NCAM1: variants seen among roughly 807,000 people sequenced by gnomAD.
NCAM1 encodes the protein neural cell adhesion molecule 1.
Under a neutral mutation model 109.8 loss-of-function variants are expected in NCAM1, and 14 were observed. That is an observed-to-expected ratio of 0.13 (90% CI 0.08 to 0.20). The LOEUF (loss-of-function observed/expected upper bound fraction) is 0.20. NCAM1 is among the 10% of genes least tolerant of loss of function. The pLI, the probability that NCAM1 is intolerant of heterozygous loss-of-function variation, is 1.00. For missense variants in NCAM1, 774 were observed against 1,109.9 expected, an observed-to-expected ratio of 0.70 and a Z score of 4.30; for synonymous variants, 418 against 442.9, an observed-to-expected ratio of 0.94 and a Z score of 0.70.
At chr11:113,082,213 A>C (rs1555087355) in intron 1 of NCAM1, among the ~76,000 whole-genome samples, 1 of 152,192 alleles carries the variant, frequency 6.6e-6, no homozygotes, top group Admixed American at 6.5e-5. Flanking sequence ...AACTGAGAAA[A>C]AGTTGTTGGA....
At chr11:113,119,351 G>A (rs1409302087) in intron 1 of NCAM1, among the ~76,000 whole-genome samples, 2 of 152,194 alleles carry the variant, frequency 1.3e-5, no homozygotes, top group Non-Finnish European at 2.9e-5. Flanking sequence ...AATAAAGCCA[G>A]AAGTCAGACT....
intron 15 of NCAM1, among the ~76,000 whole-genome samples, chr11:113,250,130 T>C (rs1945628753): frequency 1.3e-5 from 2 of 152,170 alleles, no homozygotes; most frequent in Admixed American, 6.5e-5. Context: ...AACAAAACTT[T>C]ACCCCAAAAG....
intron 1 of NCAM1, among the ~76,000 whole-genome samples, chr11:113,029,101 A>G (rs1227424719): frequency 6.6e-6 from 1 of 152,220 alleles, no homozygotes; most frequent in Non-Finnish European, 1.5e-5. Flanking sequence ...ACAGAATAAA[A>G]CTTGGGCAGT....
At chr11:113,251,843 T>C (rs1303984166) in intron 15 of NCAM1, among the ~76,000 whole-genome samples, 2 of 152,230 alleles carry the variant, frequency 1.3e-5, no homozygotes, top group African/African-American at 4.8e-5. Context: ...TTTCTTCTGC[T>C]AATGTGCTCG....
intron 9 of NCAM1, among the ~76,000 whole-genome samples, chr11:113,230,286 C>A (rs551896975): frequency 1.3e-5 from 2 of 152,258 alleles, no homozygotes; most frequent in Admixed American, 1.3e-4. Flanking sequence ...ATTTATAGGT[C>A]AAAGCAGAGG....
intron 1 of NCAM1, among the ~76,000 whole-genome samples, chr11:113,199,239 T>G (rs1185450411): frequency 6.6e-6 from 1 of 152,144 alleles, no homozygotes. Flanking sequence ...AAATTCCACT[T>G]ACATATGCAA....
intron 1 of NCAM1, among the ~76,000 whole-genome samples, chr11:113,059,123 T>A (rs1429765201): frequency 1.3e-5 from 2 of 152,232 alleles, no homozygotes; most frequent in African/African-American, 4.8e-5. Flanking sequence ...AGGTGATTGA[T>A]ACATTCTGCT....
intron 1 of NCAM1, among the ~76,000 whole-genome samples, chr11:112,973,319 A>G (rs1950930559): frequency 6.6e-6 from 1 of 152,172 alleles, no homozygotes; most frequent in East Asian, 1.9e-4. Flanking sequence ...TGCAATTGCT[A>G]TATGAGAATT....
intron 1 of NCAM1, among the ~76,000 whole-genome samples, chr11:113,020,887 G>A (rs1952361330): frequency 6.6e-6 from 1 of 152,082 alleles, no homozygotes; most frequent in African/African-American, 2.4e-5. Context: ...CTCTTGAGTA[G>A]CTGGGATTGC....
intron 1 of NCAM1, among the ~76,000 whole-genome samples, chr11:113,030,387 C>T (rs1165126827): frequency 2.0e-5 from 3 of 152,148 alleles, no homozygotes; most frequent in Non-Finnish European, 4.4e-5. Flanking sequence ...GAAGTTCTCT[C>T]AACTCTGTGA....
At chr11:113,247,787 G>A (rs1427571217) in intron 15 of NCAM1, among the ~76,000 whole-genome samples, 1 of 152,180 alleles carries the variant, frequency 6.6e-6, no homozygotes, top group Non-Finnish European at 1.5e-5. Context: ...AGGTCTTAGG[G>A]CAGAGAATAT....
At chr11:113,064,764 G>A (rs554769560) in intron 1 of NCAM1, among the ~76,000 whole-genome samples, 1 of 152,112 alleles carries the variant, frequency 6.6e-6, no homozygotes, top group South Asian at 2.1e-4. Flanking sequence ...AATTTAAAAT[G>A]TAAATGACAT....
At chr11:113,198,373 A>ATT (rs201270539) in intron 1 of NCAM1, among the ~76,000 whole-genome samples, 8 of 144,546 alleles carry the variant, frequency 5.5e-5, no homozygotes, top group Non-Finnish European at 7.6e-5. Context: ...TGATATTAGA[A>ATT]TTTTTTTTTT....
At chr11:113,091,510 T>A (rs557200047) in intron 1 of NCAM1, among the ~76,000 whole-genome samples, 31 of 152,252 alleles carry the variant, frequency 2.0e-4, no homozygotes, top group African/African-American at 7.0e-4. Context: ...GTAAGAAGGC[T>A]AGGATCGAAA....
chr11:113,155,565 T>G (rs1199541209), intron 1 of NCAM1, among the ~76,000 whole-genome samples: 1 of 151,536 alleles, frequency 6.6e-6, no homozygotes, highest in Non-Finnish European at 1.5e-5. Context: ...GCCTCCTAGG[T>G]AAGGAGTTGC....
chr11:112,973,924 T>C (rs1849124359), intron 1 of NCAM1, among the ~76,000 whole-genome samples: 1 of 152,132 alleles, frequency 6.6e-6, no homozygotes, highest in African/African-American at 2.4e-5. Flanking sequence ...CTAGTAGATC[T>C]TGATTTTGAC....
At chr11:113,244,491 G>A (rs1945437727) in intron 14 of NCAM1, among the ~76,000 whole-genome samples, 1 of 152,188 alleles carries the variant, frequency 6.6e-6, no homozygotes, top group South Asian at 2.1e-4. Flanking sequence ...AGCAGCCTGA[G>A]TTTAGCATGA....
chr11:113,002,459 T>G (rs1951780171), intron 1 of NCAM1, among the ~76,000 whole-genome samples: 1 of 152,190 alleles, frequency 6.6e-6, no homozygotes. Context: ...AATTAGGCTA[T>G]TTATTAAGCT....
chr11:113,048,045 A>G (rs1953333976), intron 1 of NCAM1, among the ~76,000 whole-genome samples: 2 of 152,228 alleles, frequency 1.3e-5, no homozygotes, highest in African/African-American at 4.8e-5. Context: ...GCTTGCAATG[A>G]ATCTCTCTGG....
Sources: allele counts gnomAD v4.1 joint callset (sites outside exome capture counted in the v4.1 genomes callset), GRCh38; gene constraint gnomAD v4.1.1; transcripts MANE v1.5; gene names NCBI Gene and HGNC (gene_info 2026-07-23, HGNC 2026-07-21).